The following GMDS variants were observed in gnomAD, a reference collection of about 807,000 sequenced individuals.
GMDS encodes the protein GDP-mannose 4,6 dehydratase.
Under a neutral mutation model 49.9 loss-of-function variants are expected in GMDS, and 20 were observed. That is an observed-to-expected ratio of 0.40 (90% CI 0.28 to 0.58). The LOEUF is 0.58. GMDS is among the 20% of genes least tolerant of loss of function. The probability of loss-of-function intolerance (pLI) is 0.42; values close to 1 mark genes in which losing one functional copy is unlikely to be tolerated. For missense variants in GMDS, 362 were observed against 481.4 expected (o/e 0.75, Z 2.32); for synonymous variants, 177 against 178.6 (o/e 0.99, Z 0.07).
intron 9 of GMDS, among the ~76,000 whole-genome samples, chr6:1,657,069 T>C (rs1371557342): frequency 6.6e-6 from 1 of 151,966 alleles, no homozygotes; most frequent in African/African-American, 2.4e-5. Flanking sequence ...AGCAAGAGGG[T>C]TTCTTTTGCC....
chr6:1,984,216 G>C (rs550564420), intron 4 of GMDS, among the ~76,000 whole-genome samples: 2 of 152,264 alleles, frequency 1.3e-5, no homozygotes, highest in East Asian at 3.9e-4. Context: ...ACTGGGGCCT[G>C]TCAGAGGGTG....
rs141532233 is a variant in GMDS, at chr6:2,221,482, G to A, written c.102+23839C>T. ...TGCAAGCTCCGCCTCCCGGCCTCCC[G>A]GGTTCACACCATTCTCCTGCCTCAG... On this transcript the variant is annotated intron_variant, in intron 1 of 10. Transcript: ENST00000380815. Among the ~76,000 whole-genome samples, 908 of 152,084 alleles carry A rather than the reference G, an allele frequency of 6.0e-3. 8 individuals carry two copies. In the Middle Eastern group the frequency reaches 0.061, roughly 10 times the overall value.
At chr6:2,228,390 T>C (rs181112092) in intron 1 of GMDS, among the ~76,000 whole-genome samples, 9 of 152,320 alleles carry the variant, frequency 5.9e-5, no homozygotes, top group Admixed American at 1.3e-4. Flanking sequence ...ACCCTCTCCG[T>C]CCCACCTTAA....
At chr6:1,880,010 A>G (rs1759287189) in intron 7 of GMDS, among the ~76,000 whole-genome samples, 1 of 152,220 alleles carries the variant, frequency 6.6e-6, no homozygotes, top group African/African-American at 2.4e-5. Flanking sequence ...TTCAACGTAT[A>G]TCTGAGTTGA....
At chr6:2,154,863 C>CAAAAAA (rs70992124) in intron 1 of GMDS, among the ~76,000 whole-genome samples, 57 of 65,602 alleles carry the variant, frequency 8.7e-4, no homozygotes, top group East Asian at 2.8e-3. Flanking sequence ...TGAAGAGATG[C>CAAAAAA]AAAAAAAAAA....
chr6:2,120,798 T>A (rs1775098346), intron 2 of GMDS, among the ~76,000 whole-genome samples: 1 of 152,146 alleles, frequency 6.6e-6, no homozygotes, highest in South Asian at 2.1e-4. Context: ...CAGGAAGAAA[T>A]GCAAACAGCT....
chr6:2,003,946 T>A (rs1170170119), intron 4 of GMDS, among the ~76,000 whole-genome samples: 1 of 152,168 alleles, frequency 6.6e-6, no homozygotes, highest in East Asian at 1.9e-4. Context: ...GCATTAGACA[T>A]CTACCACACA....
intron 9 of GMDS, among the ~76,000 whole-genome samples, chr6:1,675,289 C>CGT (rs911627668): frequency 6.6e-6 from 1 of 150,672 alleles, no homozygotes; most frequent in Non-Finnish European, 1.5e-5. Context: ...AAACTTGTAT[C>CGT]GTGCAACCTT....
chr6:1,750,948 G>A (rs959923793), intron 7 of GMDS, among the ~76,000 whole-genome samples: 10 of 152,186 alleles, frequency 6.6e-5, no homozygotes, highest in African/African-American at 2.4e-4. Context: ...TGTAAACAAA[G>A]CCATCAGGAA....
intron 7 of GMDS, among the ~76,000 whole-genome samples, chr6:1,923,465 T>C (rs1055572407): frequency 6.6e-6 from 1 of 152,218 alleles, no homozygotes; most frequent in African/African-American, 2.4e-5. Flanking sequence ...CACCCCCACC[T>C]GTGTACCACA....
chr6:2,150,916 A>G lies in GMDS; in HGVS notation c.103-26185T>C, dbSNP rs185292503. 9.8e-5 allele frequency among the ~76,000 whole-genome samples: 15 copies of G among 152,310 alleles called. No homozygotes were observed. In the East Asian group the frequency reaches 2.7e-3, roughly 27 times the overall value. ...TTCTAGCTAATTTGAATATTTGGAA[A>G]TTATGAATGAAATATGATTAGACTG... is the stretch of plus-strand genomic sequence containing the variant. On this transcript the variant is annotated intron_variant, in intron 1 of 10. Coordinates refer to ENST00000380815, the MANE Select transcript of GMDS (RefSeq NM_001500.4).
chr6:2,129,246 G>A (rs1775605617), intron 1 of GMDS, among the ~76,000 whole-genome samples: 2 of 151,944 alleles, frequency 1.3e-5, no homozygotes, highest in South Asian at 4.2e-4. Context: ...AAAAAAGACT[G>A]ATCTCACATC....
chr6:2,099,737 A>G (rs1028526843), intron 4 of GMDS, among the ~76,000 whole-genome samples: 3 of 152,110 alleles, frequency 2.0e-5, no homozygotes, highest in African/African-American at 7.2e-5. Flanking sequence ...ACTATTCTGC[A>G]TTAAGTTTTT....
chr6:1,978,336 G>A (rs1765032993), intron 4 of GMDS, among the ~76,000 whole-genome samples: 1 of 152,160 alleles, frequency 6.6e-6, no homozygotes, highest in Admixed American at 6.5e-5. Flanking sequence ...ACAGAGCTCT[G>A]ATGTCTCCCT....
chr6:2,201,538 G>A (rs33917052), intron 1 of GMDS, among the ~76,000 whole-genome samples: 21 of 92,140 alleles, frequency 2.3e-4, no homozygotes, highest in South Asian at 9.7e-4. Context: ...CACCACATGG[G>A]CATCCGAGAT....
intron 6 of GMDS, among the ~76,000 whole-genome samples, chr6:1,936,560 C>T (rs1222892600): frequency 6.6e-6 from 1 of 152,162 alleles, no homozygotes; most frequent in African/African-American, 2.4e-5. Flanking sequence ...CACCACCTGC[C>T]CCTTTTCCAA....
At chr6:2,232,381 T>C (rs1011961496) in intron 1 of GMDS, among the ~76,000 whole-genome samples, 7 of 152,210 alleles carry the variant, frequency 4.6e-5, no homozygotes, top group Non-Finnish European at 1.0e-4. Context: ...ATGCCCCTTT[T>C]GAAACATCAA....
intron 4 of GMDS, among the ~76,000 whole-genome samples, chr6:2,106,391 G>A (rs1413520023): frequency 2.0e-5 from 3 of 152,018 alleles, no homozygotes; most frequent in East Asian, 3.9e-4. Context: ...CATATGTAAG[G>A]ATAAAGTAGA....
At chr6:2,091,952 A>T (rs1444390791) in intron 4 of GMDS, among the ~76,000 whole-genome samples, 1 of 152,116 alleles carries the variant, frequency 6.6e-6, no homozygotes, top group African/African-American at 2.4e-5. Flanking sequence ...CATAACAAAA[A>T]GAGCAACTAC....
Sources: gnomAD v4.1 joint callset for allele counts (sites outside exome capture counted in the v4.1 genomes callset) on GRCh38, gnomAD v4.1.1 for gene constraint, MANE v1.5 for transcripts, NCBI Gene and HGNC (gene_info 2026-07-23, HGNC 2026-07-21) for gene names.